Variants in POU6F2 observed in about 807,000 individuals in gnomAD.
POU6F2 encodes POU domain, class 6, transcription factor 2.
POU6F2 carries 31 observed loss-of-function variants against 71.3 expected under a neutral mutation model. The observed-to-expected ratio is 0.43, with a 90% CI of 0.33 to 0.59. The LOEUF (loss-of-function observed/expected upper bound fraction) is 0.59, where lower values mean the gene tolerates loss of function less well. Ranked by LOEUF, POU6F2 falls within the 20% of genes least tolerant of loss-of-function variation. POU6F2 has a pLI of 0.04. For missense variants in POU6F2, 783 were observed against 856.8 expected, an observed-to-expected ratio of 0.91 and a Z score of 1.07; for synonymous variants, 347 against 355.7, an observed-to-expected ratio of 0.98 and a Z score of 0.27.
At chr7:39,374,245 G>GTA (rs1786668253) in intron 5 of POU6F2, among the ~76,000 whole-genome samples, 1 of 152,206 alleles carries the variant, frequency 6.6e-6, no homozygotes, top group Admixed American at 6.5e-5. Context: ...ATGTGTCTGT[G>GTA]TATGAGCCCA....
intron 4 of POU6F2, among the ~76,000 whole-genome samples, chr7:39,299,603 T>C (rs1014334094): frequency 2.0e-5 from 3 of 152,222 alleles, no homozygotes; most frequent in Non-Finnish European, 4.4e-5. Flanking sequence ...AAGTTTGATA[T>C]GGGCTTCATT....
chr7:39,010,903 C>T (rs1418070853), intron 1 of POU6F2, among the ~76,000 whole-genome samples: 4 of 151,584 alleles, frequency 2.6e-5, no homozygotes, highest in Admixed American at 2.0e-4. Context: ...TTGTTATAAT[C>T]TCTGTTCTTT....
At chr7:39,130,987 A>T (rs1002531574) in intron 2 of POU6F2, among the ~76,000 whole-genome samples, 1 of 152,232 alleles carries the variant, frequency 6.6e-6, no homozygotes, top group African/African-American at 2.4e-5. Flanking sequence ...TTCACAGTCC[A>T]GAAAGCATGA....
In POU6F2 at chr7:39,052,278, T is replaced by A. The variant is rs114326382; in HGVS notation, c.106-33582T>A. The stretch of plus-strand genomic sequence containing the variant: ...AAAACTTGGGCCCAGAGAAATGAAA[T>A]GATAGTAAAATGTCATAAGGCCAGT... On this transcript the variant is annotated intron_variant, in intron 1 of 9. Transcript: ENST00000518318. 6.4e-3 allele frequency among the ~76,000 whole-genome samples: 975 copies of A among 152,080 alleles called. 6 individuals carry two copies. Among genetic ancestry groups the A allele is most frequent in the Middle Eastern group, 0.024 (7 of 294 alleles).
At chr7:38,997,060 C>T (rs1788761287) in intron 1 of POU6F2, among the ~76,000 whole-genome samples, 1 of 152,116 alleles carries the variant, frequency 6.6e-6, no homozygotes, top group Admixed American at 6.5e-5. Flanking sequence ...TTTTTTCAAA[C>T]AAATTTAACT....
chr7:39,340,139 A>C, intron 5 of POU6F2, 124 bp downstream of exon 5: 2 of 1,311,328 alleles, frequency 1.5e-6, no homozygotes, highest in South Asian at 1.8e-5. Context: ...CATCTAATTC[A>C]AATTGATCTC....
intron 4 of POU6F2, 92 bp from the exon 5 acceptor site, chr7:39,339,550 A>T: frequency 6.9e-7 from 1 of 1,443,358 alleles, no homozygotes; most frequent in Non-Finnish European, 9.1e-7. Context: ...TCTAAAGGAA[A>T]CCCTTCTCCA....
intron 2 of POU6F2, among the ~76,000 whole-genome samples, chr7:39,105,891 C>A (rs1443698281): frequency 3.9e-5 from 6 of 152,166 alleles, no homozygotes; most frequent in Non-Finnish European, 8.8e-5. Flanking sequence ...CAAGATGGAA[C>A]CTAGTTGGAT....
At chr7:39,454,671 T>G (rs1205812720) in intron 8 of POU6F2, among the ~76,000 whole-genome samples, 92 of 1,620 alleles carry the variant, frequency 0.057, 8 homozygotes, top group African/African-American at 0.18. Context: ...TATATATATA[T>G]ATATATATAT....
chr7:39,042,872 A>G (rs10085866), intron 1 of POU6F2, among the ~76,000 whole-genome samples: 10,766 of 151,992 alleles, frequency 0.071, 508 homozygotes, highest in African/African-American at 0.13. Flanking sequence ...TGGGGCAGGG[A>G]GAATAGAAAT....
rs138461971 is a variant in POU6F2, at chr7:39,252,656, C to T, written c.598+45036C>T. 9.8e-4 allele frequency among the ~76,000 whole-genome samples: 150 copies of T among 152,298 alleles called. 1 individual carries two copies. The East Asian group carries it at 0.013, about 13-fold the overall frequency. On this transcript the variant is annotated intron_variant, in intron 4 of 9. Transcript: ENST00000518318. ...AACATTTGTGTTTGGAGAAACCTAA[C>T]AGCCTCTGCTTTTTTGCCACACATG... is the stretch of plus-strand genomic sequence containing the variant.
chr7:39,084,900 C>T (rs73373258), intron 1 of POU6F2, among the ~76,000 whole-genome samples: 2,741 of 152,044 alleles, frequency 0.018, 74 homozygotes, highest in African/African-American at 0.063. Flanking sequence ...CTTCTGCATC[C>T]GATATTGTGC....
At chr7:39,105,621 A>C (rs1791664151) in intron 2 of POU6F2, among the ~76,000 whole-genome samples, 1 of 152,164 alleles carries the variant, frequency 6.6e-6, no homozygotes, top group Admixed American at 6.6e-5. Context: ...CTGTTGATTA[A>C]AGTGGGGGGT....
At chr7:39,274,057 A>G (rs1784389355) in intron 4 of POU6F2, among the ~76,000 whole-genome samples, 3 of 152,174 alleles carry the variant, frequency 2.0e-5, no homozygotes, top group Non-Finnish European at 4.4e-5. Flanking sequence ...TGACCTTCTC[A>G]TTTCACCTTC....
intron 2 of POU6F2, among the ~76,000 whole-genome samples, chr7:39,171,012 ATATCTT>A (rs1793208558): frequency 1.4e-5 from 2 of 144,994 alleles, no homozygotes; most frequent in African/African-American, 5.1e-5. Context: ...TAGTTCACAT[ATATCTT>A]TTTTTTTTTT....
At chr7:39,178,488 A>G (rs975606222) in intron 2 of POU6F2, among the ~76,000 whole-genome samples, 5 of 152,208 alleles carry the variant, frequency 3.3e-5, no homozygotes, top group African/African-American at 1.2e-4. Flanking sequence ...GAGTAATAAC[A>G]TTAAATATGC....
chr7:39,358,435 A>C (rs2115699878), intron 5 of POU6F2, among the ~76,000 whole-genome samples: 1 of 152,310 alleles, frequency 6.6e-6, no homozygotes, highest in East Asian at 1.9e-4. Flanking sequence ...TCCTCATAAG[A>C]AAAAATTAAA....
intron 4 of POU6F2, among the ~76,000 whole-genome samples, chr7:39,276,908 A>G (rs1486318873): frequency 9.2e-5 from 9 of 97,332 alleles, no homozygotes; most frequent in East Asian, 3.2e-4. Flanking sequence ...GTTGTGGGGT[A>G]GGGGGAGGGG....
chr7:39,280,679 T>A (rs1258056865), intron 4 of POU6F2, among the ~76,000 whole-genome samples: 3 of 152,228 alleles, frequency 2.0e-5, no homozygotes, highest in Non-Finnish European at 4.4e-5. Flanking sequence ...CTTCACACTC[T>A]ATAATTGAAC....
Sources: allele counts gnomAD v4.1 joint callset (sites outside exome capture counted in the v4.1 genomes callset), GRCh38; gene constraint gnomAD v4.1.1; transcripts MANE v1.5; gene names NCBI Gene and HGNC (gene_info 2026-07-23, HGNC 2026-07-21).